Variants in DTNA observed in about 807,000 individuals in gnomAD.
DTNA encodes dystrobrevin alpha.
Under a neutral mutation model 100.7 loss-of-function variants are expected in DTNA, and 43 were observed. That is an observed-to-expected ratio of 0.43 (90% CI 0.33 to 0.55). DTNA has a LOEUF of 0.55. Ranked by LOEUF, DTNA falls within the 20% of genes least tolerant of loss-of-function variation. DTNA has a pLI of 0.04. For synonymous variants in DTNA, 349 were observed against 347.9 expected, an observed-to-expected ratio of 1.00 and a Z score of -0.04; for missense variants, 798 against 953.9, an observed-to-expected ratio of 0.84 and a Z score of 2.15.
intron 1 of DTNA, among the ~76,000 whole-genome samples, chr18:34,649,532 T>C (rs750107531): frequency 1.3e-5 from 2 of 152,206 alleles, no homozygotes; most frequent in East Asian, 3.8e-4. Context: ...TTTGAATAAT[T>C]TTCATCCAAA....
At chr18:34,517,313 C>T (rs2041726899) in intron 1 of DTNA, among the ~76,000 whole-genome samples, 1 of 152,116 alleles carries the variant, frequency 6.6e-6, no homozygotes, top group South Asian at 2.1e-4. Context: ...CATGCAGTTG[C>T]AGTAAATAAT....
chr18:34,747,190 G>C (rs1297253581), intron 1 of DTNA, among the ~76,000 whole-genome samples: 2 of 151,610 alleles, frequency 1.3e-5, no homozygotes, highest in African/African-American at 4.9e-5. Flanking sequence ...TAAATTTTAA[G>C]GTGGGTCTTA....
chr18:34,602,605 C>T lies in DTNA; in HGVS notation c.-2+109091C>T, dbSNP rs553627347. Among the ~76,000 whole-genome samples, 11 of 151,936 alleles carry T rather than the reference C, an allele frequency of 7.2e-5. 1 individual carries two copies. In the South Asian group the frequency reaches 1.7e-3, roughly 23 times the overall value. On this transcript the variant is annotated intron_variant, in intron 1 of 19. Transcript: ENST00000283365. Reference sequence around the variant, plus strand: ...CAAGAACCTCTAAGGCTGAGTGGTGCGGTGGCTCATGTCTGTAATCCCAGC... The same window carrying T: ...CAAGAACCTCTAAGGCTGAGTGGTGTGGTGGCTCATGTCTGTAATCCCAGC...
chr18:34,587,385 T>A (rs566124987), intron 1 of DTNA, among the ~76,000 whole-genome samples: 89 of 152,262 alleles, frequency 5.8e-4, no homozygotes, highest in African/African-American at 2.0e-3. Flanking sequence ...TCTCTCTCTT[T>A]CATTTTCTTT....
chr18:34,690,071 T>C (rs1257883408), intron 1 of DTNA, among the ~76,000 whole-genome samples: 1 of 152,150 alleles, frequency 6.6e-6, no homozygotes, highest in African/African-American at 2.4e-5. Flanking sequence ...TGGATCTTAG[T>C]TTGCTGGGTT....
At chr18:34,678,277 A>G (rs542643673) in intron 1 of DTNA, among the ~76,000 whole-genome samples, 2 of 152,314 alleles carry the variant, frequency 1.3e-5, no homozygotes, top group Non-Finnish European at 2.9e-5. Context: ...AGATTTTGTT[A>G]TAGAATTTTC....
intron 1 of DTNA, among the ~76,000 whole-genome samples, chr18:34,755,202 TACATGATTAA>T (rs1186048892): frequency 6.6e-6 from 1 of 152,246 alleles, no homozygotes; most frequent in Non-Finnish European, 1.5e-5. Context: ...CAAAGCCCTC[TACATGATTAA>T]ACATATCCAT....
chr18:34,768,603 A>C (rs2093611303), intron 3 of DTNA, among the ~76,000 whole-genome samples: 1 of 152,130 alleles, frequency 6.6e-6, no homozygotes, highest in South Asian at 2.1e-4. Context: ...TGCATCCAGA[A>C]TTGTCTTGGA....
intron 1 of DTNA, among the ~76,000 whole-genome samples, chr18:34,559,707 GT>G (rs2146196860): frequency 1.3e-5 from 2 of 152,266 alleles, no homozygotes; most frequent in East Asian, 3.9e-4. Context: ...TTCCCTTACT[GT>G]AGTTCCTCCT....
intron 1 of DTNA, among the ~76,000 whole-genome samples, chr18:34,732,239 A>T (rs917832449): frequency 6.6e-6 from 1 of 152,286 alleles, no homozygotes; most frequent in African/African-American, 2.4e-5. Context: ...TTTGTTTTTC[A>T]GCTAACTTGT....
intron 17 of DTNA, chr18:34,867,065 C>T (rs759835756): frequency 1.4e-5 from 17 of 1,229,542 alleles, no homozygotes; most frequent in Admixed American, 4.2e-5. Flanking sequence ...GCATGTACCA[C>T]GCTATGTATG....
At chr18:34,605,278 T>C (rs1598945697) in intron 1 of DTNA, among the ~76,000 whole-genome samples, 1 of 152,308 alleles carries the variant, frequency 6.6e-6, no homozygotes, top group African/African-American at 2.4e-5. Context: ...TATTGTTCTA[T>C]ATTTGTAAAA....
intron 3 of DTNA, among the ~76,000 whole-genome samples, chr18:34,772,248 C>T (rs1337305275): frequency 6.6e-6 from 1 of 152,138 alleles, no homozygotes; most frequent in African/African-American, 2.4e-5. Context: ...ATAATTATAT[C>T]TCGGCTGTCA....
chr18:34,860,239 TTTTTTTTTTTG>T (rs1467903307), intron 16 of DTNA, among the ~76,000 whole-genome samples: 3 of 141,258 alleles, frequency 2.1e-5, no homozygotes, highest in African/African-American at 8.0e-5. Context: ...TTTTTTTTTT[TTTTTTTTTTTG>T]GAGAGACGGG....
At chr18:34,588,463 T>C (rs1381709164) in intron 1 of DTNA, among the ~76,000 whole-genome samples, 1 of 152,182 alleles carries the variant, frequency 6.6e-6, no homozygotes, top group Non-Finnish European at 1.5e-5. Context: ...GAGTGTTCTT[T>C]TTCTTGGATA....
chr18:34,772,975 A>G (rs930129147), intron 3 of DTNA, among the ~76,000 whole-genome samples: 2 of 152,126 alleles, frequency 1.3e-5, no homozygotes, highest in East Asian at 1.9e-4. Flanking sequence ...GCTGGAGACT[A>G]CCTTCAGTTC....
At chr18:34,807,624 G>A (rs754641249) in intron 5 of DTNA, among the ~76,000 whole-genome samples, 1 of 152,056 alleles carries the variant, frequency 6.6e-6, no homozygotes, top group Non-Finnish European at 1.5e-5. Flanking sequence ...AAGTGAAAGG[G>A]ACAACAAAGC....
chr18:34,699,189 C>G (rs1339045168), intron 1 of DTNA, among the ~76,000 whole-genome samples: 1 of 151,468 alleles, frequency 6.6e-6, no homozygotes, highest in Non-Finnish European at 1.5e-5. Flanking sequence ...ATCTATAAAA[C>G]CATGTATTAT....
intron 8 of DTNA, among the ~76,000 whole-genome samples, chr18:34,819,331 G>A (rs941866068): frequency 2.0e-5 from 3 of 152,146 alleles, no homozygotes; most frequent in African/African-American, 7.2e-5. Flanking sequence ...CTTCATCACC[G>A]GTCAGATTCT....
Sources: allele counts gnomAD v4.1 joint callset (sites outside exome capture counted in the v4.1 genomes callset), GRCh38; gene constraint gnomAD v4.1.1; transcripts MANE v1.5; gene names NCBI Gene and HGNC (gene_info 2026-07-23, HGNC 2026-07-21).